EML1: variants seen among roughly 807,000 people sequenced by gnomAD.
EML1 encodes echinoderm microtubule-associated protein-like 1.
In EML1, 27 loss-of-function variants were observed where a neutral mutation model predicts 110.4. That is an observed-to-expected ratio of 0.24 (90% CI 0.18 to 0.34). The LOEUF (loss-of-function observed/expected upper bound fraction) is 0.34. EML1 is among the 10% of genes least tolerant of loss of function. EML1 has a pLI of 1.00. For synonymous variants in EML1, 344 were observed against 385.8 expected (o/e 0.89, Z 1.27); for missense variants, 741 against 1,030.9 (o/e 0.72, Z 3.85).
intron 1 of EML1, among the ~76,000 whole-genome samples, chr14:99,841,693 T>G (rs1055167423): frequency 1.3e-5 from 2 of 152,206 alleles, no homozygotes; most frequent in African/African-American, 2.4e-5. Context: ...TCAGAGTGGT[T>G]GGCCAGCTAA....
In EML1 at chr14:99,737,861, G is replaced by C; in HGVS notation, c.28+1G>C. The C allele has an allele frequency of 1.6e-6, 2 of 1,289,250 alleles. No individual in the cohort carries two copies. Among genetic ancestry groups the C allele is most frequent in the South Asian group, 2.5e-5 (2 of 80,978 alleles). 79.9% of individuals were successfully genotyped at this position (1,289,250 alleles called of 1,614,324 possible). On this transcript the variant is annotated splice_donor_variant, in intron 1 of 10. Transcript: ENST00000554479. LOFTEE classifies it high-confidence loss of function. ...TCGGACGGCGAGGGCCCCTCCGCCGGTGAGTGGCAGCGCTATATTTACCCG... is the reference window on the plus strand; with the variant it reads ...TCGGACGGCGAGGGCCCCTCCGCCGCTGAGTGGCAGCGCTATATTTACCCG...
intron 1 of EML1, among the ~76,000 whole-genome samples, chr14:99,760,802 G>A (rs1300196138): frequency 6.6e-6 from 1 of 152,136 alleles, no homozygotes; most frequent in Non-Finnish European, 1.5e-5. Context: ...TTATAATGGA[G>A]CAAACAGTAT....
chr14:99,870,739 G>A (rs895275626), intron 3 of EML1, among the ~76,000 whole-genome samples: 1 of 152,182 alleles, frequency 6.6e-6, no homozygotes, highest in Admixed American at 6.5e-5. Flanking sequence ...ATCTGTTGTA[G>A]CAATATGATG....
At chr14:99,790,866 C>CTTTTTTTTT (rs58349128), upstream of EML1, among the ~76,000 whole-genome samples, 9 of 142,774 alleles carry the variant, frequency 6.3e-5, no homozygotes, top group Non-Finnish European at 1.2e-4. Flanking sequence ...TTTTCTTTTC[C>CTTTTTTTTT]TTTTTTTTTG....
chr14:99,918,543 C>T (rs748416847), intron 16 of EML1, among the ~76,000 whole-genome samples: 4 of 152,198 alleles, frequency 2.6e-5, no homozygotes, highest in Non-Finnish European at 4.4e-5. Flanking sequence ...TACTCCTGGT[C>T]ACAGTGGCTC....
intron 17 of EML1, among the ~76,000 whole-genome samples, chr14:99,930,369 G>A (rs543226738): frequency 6.6e-6 from 1 of 152,308 alleles, no homozygotes; most frequent in East Asian, 1.9e-4. Context: ...CTGGGCACAC[G>A]CCTGGAACGC....
chr14:99,758,257 C>G (rs942433575), intron 1 of EML1, among the ~76,000 whole-genome samples: 3 of 152,184 alleles, frequency 2.0e-5, no homozygotes, highest in Admixed American at 6.5e-5. Context: ...AGTTCACAGA[C>G]AGGAAAGACT....
chr14:99,828,235 G>A (rs1389650588), intron 1 of EML1, among the ~76,000 whole-genome samples: 1 of 152,190 alleles, frequency 6.6e-6, no homozygotes, highest in Non-Finnish European at 1.5e-5. Flanking sequence ...GCTGCAGTCT[G>A]AGGATATTAA....
In EML1 at chr14:99,784,687, C is replaced by T. The variant is rs540883714; in HGVS notation, c.-27+10674C>T. On this transcript the variant is annotated intron_variant, in intron 1 of 22. Coordinates refer to the EML1 transcript ENST00000327921. This position sits in a 1 kb window ranked among gnomAD's most constrained non-coding sequence, Gnocchi z 4.5. Reference sequence around the variant, plus strand: ...GTCTTTATCACACAGTGTTGTTTCTCGGCCAGTGCCTCTCCCCCATTCCAG... The same window carrying T: ...GTCTTTATCACACAGTGTTGTTTCTTGGCCAGTGCCTCTCCCCCATTCCAG... Among the ~76,000 whole-genome samples, 2 of 152,340 alleles carry T rather than the reference C, an allele frequency of 1.3e-5. No homozygotes were observed. Among genetic ancestry groups the T allele is most frequent in the South Asian group, 2.1e-4 (1 of 4,830 alleles).
At chr14:99,906,631 C>T (rs2059852084) in intron 9 of EML1, among the ~76,000 whole-genome samples, 1 of 152,332 alleles carries the variant, frequency 6.6e-6, no homozygotes, top group Non-Finnish European at 1.5e-5. Context: ...CCTCCTATCT[C>T]ATTCTGTGAC....
In EML1 at chr14:99,920,822, G is replaced by A. The variant is rs2060117495; in HGVS notation, c.1854G>A (p.Leu618=). 1.2e-6 allele frequency: 2 copies of A among 1,613,384 alleles called. No individual in the cohort carries two copies. The highest frequency in any genetic ancestry group is 3.3e-5 in the Admixed American group (2 of 59,912). Residue 618 remains leucine, a synonymous_variant, in exon 17 of 22, where the codon TTG becomes TTA. Transcript: ENST00000262233. Reference sequence around the variant, plus strand: ...TGTTTGACACAGAAACAAAAGACTTGGTCACCGTTCACACAGATGGAAACG... The same window carrying A: ...TGTTTGACACAGAAACAAAAGACTTAGTCACCGTTCACACAGATGGAAACG... ...WFVFDTETKD[L]VTVHTDGNEQ... is the part of the protein sequence containing the mutation.
intron 4 of EML1, chr14:99,883,337 C>T: frequency 6.5e-6 from 1 of 152,682 alleles, no homozygotes; most frequent in East Asian, 1.9e-4. Flanking sequence ...TCAAGACCAG[C>T]CTGGACAACA....
rs373349724 is a variant in EML1 at position 99,898,260 on chromosome 14, G to T, written c.855G>T (p.Thr285=). 1 of 1,611,088 alleles carries T rather than the reference G, an allele frequency of 6.2e-7. No homozygotes were observed. The highest frequency in any genetic ancestry group is 8.5e-7 in the Non-Finnish European group (1 of 1,178,130). The change falls in exon 8 of 22, where the codon ACG becomes ACT. Residue 285 remains threonine, a synonymous_variant. Coordinates refer to ENST00000262233, the MANE Select transcript of EML1 (RefSeq NM_004434.3). ...TAGCAGTTCATCCTGATCGGATCAC[G>T]ATAGCAACAGGACAAGTTGCGGGCA... ...KCLAVHPDRI[T]IATGQVAGTS... is the part of the protein sequence containing the mutation.
chr14:99,800,966 T>G (rs1365075539), intron 1 of EML1, among the ~76,000 whole-genome samples: 2 of 152,206 alleles, frequency 1.3e-5, no homozygotes, highest in Non-Finnish European at 2.9e-5. Context: ...CCTTCCCACC[T>G]GCCGAGGCCC....
intron 1 of EML1, among the ~76,000 whole-genome samples, chr14:99,739,080 G>GTC (rs1401709223): frequency 1.6e-5 from 2 of 126,594 alleles, no homozygotes; most frequent in African/African-American, 3.5e-5. Flanking sequence ...GTGTGTGTGT[G>GTC]TGTGTGTGTG....
intron 11 of EML1, among the ~76,000 whole-genome samples, chr14:99,909,928 C>T (rs992928452): frequency 1.7e-4 from 26 of 152,148 alleles, no homozygotes; most frequent in Non-Finnish European, 3.4e-4. Context: ...GGACCCTGCC[C>T]TTTAGGCTGA....
chr14:99,817,373 TA>T (rs1054128856), intron 1 of EML1, among the ~76,000 whole-genome samples: 22 of 152,142 alleles, frequency 1.4e-4, no homozygotes, highest in African/African-American at 5.3e-4. Context: ...TTAATAAAAT[TA>T]ATATTGTTTA....
At chr14:99,762,358 A>G (rs909319554) in intron 1 of EML1, among the ~76,000 whole-genome samples, 1 of 152,190 alleles carries the variant, frequency 6.6e-6, no homozygotes, top group Non-Finnish European at 1.5e-5. Flanking sequence ...CCCCCTGAAC[A>G]AGAAACAGAA....
chr14:99,801,386 T>C (rs938335811), intron 1 of EML1, among the ~76,000 whole-genome samples: 4 of 152,034 alleles, frequency 2.6e-5, no homozygotes, highest in African/African-American at 7.2e-5. Context: ...GAGGCCGAGG[T>C]GGGCGGATCA....
Sources: allele counts gnomAD v4.1 joint callset (sites outside exome capture counted in the v4.1 genomes callset), GRCh38; gene constraint gnomAD v4.1.1; non-coding constraint Gnocchi (gnomAD v3.1); transcripts MANE v1.5; gene names NCBI Gene and HGNC (gene_info 2026-07-23, HGNC 2026-07-21).